TNNT2: variants seen among roughly 807,000 people sequenced by gnomAD.
TNNT2 encodes the protein troponin T2, cardiac type.
Under a neutral mutation model 62.4 loss-of-function variants are expected in TNNT2, and 34 were observed. The ratio of observed to expected loss-of-function variants is 0.54; its 90% CI spans 0.41 to 0.72. The LOEUF is 0.72. Ranked by LOEUF, TNNT2 falls within the 30% of genes least tolerant of loss-of-function variation. TNNT2 has a pLI of 0.00. For missense variants in TNNT2, 275 were observed against 381.9 expected, an observed-to-expected ratio of 0.72 and a Z score of 2.33; for synonymous variants, 123 against 127.2, an observed-to-expected ratio of 0.97 and a Z score of 0.22.
rs1365980305 is a variant in TNNT2 at position 201,366,831 on chromosome 1, C to G, written c.233+7G>C. On this transcript the variant is annotated splice_region_variant and intron_variant, in intron 8 of 16. Coordinates refer to ENST00000656932, the MANE Select transcript of TNNT2 (RefSeq NM_001276345.2). ...TCCCGGCTCTACCCAGGTGCCTCCC[C>G]ACTCACCTGGGCTTTGGTTTGGACT... The G allele has an allele frequency of 1.2e-6, 2 of 1,614,156 alleles. No individual in the cohort carries two copies. Among genetic ancestry groups the G allele is most frequent in the East Asian group, 2.2e-5 (1 of 44,870 alleles).
At chr1:201,369,259 G>C in intron 5 of TNNT2, 1 of 471,820 alleles carries the variant, frequency 2.1e-6, no homozygotes, top group Admixed American at 2.3e-5. Context: ...CTAAAATTAA[G>C]CCCTGGTCTC....
intron 15 of TNNT2, chr1:201,360,869 G>T: frequency 3.0e-6 from 1 of 335,638 alleles, no homozygotes; most frequent in Non-Finnish European, 5.8e-6. Flanking sequence ...TTGAGGCTCA[G>T]CCTAATTGTG....
At position 201,363,425 on chromosome 1, in the gene TNNT2, G is replaced by A; in HGVS notation, c.490-19C>T. ...TCTCTTCCTGATTTACAGCAGGGAG[G>A]AAGAAAGCAAATTAGGGGAAAGGAT... On this transcript the variant is annotated intron_variant, in intron 11 of 16. Transcript: ENST00000656932. The A allele has an allele frequency of 1.2e-6, 2 of 1,610,810 alleles. No homozygotes were observed. The highest frequency in any genetic ancestry group is 1.7e-6 in the Non-Finnish European group (2 of 1,176,984).
At chr1:201,366,979 CA>C in intron 7 of TNNT2, 108 bp from the exon 8 acceptor site, 1 of 1,581,174 alleles carries the variant, frequency 6.3e-7, no homozygotes, top group South Asian at 1.1e-5. Context: ...CCCATCTGCA[CA>C]GTGAGTCCCT....
intron 15 of TNNT2, 50 bp from the exon 16 acceptor site, chr1:201,359,713 C>A: frequency 1.9e-6 from 3 of 1,544,690 alleles, no homozygotes; most frequent in East Asian, 2.4e-5. Context: ...CTGACTGGCT[C>A]AGGTCCCAGG....
chr1:201,360,877 G>C (rs1658493944), intron 15 of TNNT2: 1 of 339,748 alleles, frequency 2.9e-6, no homozygotes. Flanking sequence ...CAGCCTAATT[G>C]TGCCCACACC....
At chr1:201,367,097 C>T (rs1456398420) in intron 7 of TNNT2, 2 of 675,166 alleles carry the variant, frequency 3.0e-6, no homozygotes, top group Non-Finnish European at 5.2e-6. Context: ...GGCACACACT[C>T]ACGCAGTGTG....
chr1:201,371,112 C>G (rs561605386), intron 4 of TNNT2, among the ~76,000 whole-genome samples: 1 of 152,312 alleles, frequency 6.6e-6, no homozygotes, highest in South Asian at 2.1e-4. Context: ...GCGGGGCCAC[C>G]TGGGCTCCCC....
At chr1:201,367,993 C>T (rs1274050248) in intron 6 of TNNT2, among the ~76,000 whole-genome samples, 169 bp downstream of exon 6, 1 of 152,142 alleles carries the variant, frequency 6.6e-6, no homozygotes, top group Admixed American at 6.5e-5. Context: ...ACAAGAGAAG[C>T]GCTGGGTCAA....
intron 4 of TNNT2, among the ~76,000 whole-genome samples, chr1:201,370,080 TCTC>T (rs1407478853): frequency 6.6e-6 from 1 of 152,180 alleles, no homozygotes; most frequent in East Asian, 1.9e-4. Flanking sequence ...TCTACTCACT[TCTC>T]AGCCGTGGTG....
At position 201,372,131 on chromosome 1, in the gene TNNT2, A is replaced by T; in HGVS notation, c.52+14T>A. 2 of 1,614,130 alleles carry T rather than the reference A, an allele frequency of 1.2e-6. No homozygotes were observed. Among genetic ancestry groups the T allele is most frequent in the Non-Finnish European group, 1.7e-6 (2 of 1,180,032 alleles). On this transcript the variant is annotated intron_variant, in intron 3 of 16. Transcript: ENST00000656932. The stretch of plus-strand genomic sequence containing the variant: ...CTGTCTTTGATCCAAATGAGTACAC[A>T]CGTTTACGCTTACCTTCCTGCTCCC...
intron 7 of TNNT2, 159 bp downstream of exon 7, chr1:201,367,612 T>C: frequency 1.2e-6 from 1 of 838,572 alleles, no homozygotes; most frequent in South Asian, 1.4e-5. Flanking sequence ...AAGCTCAACA[T>C]CTAAAACTTT....
chr1:201,367,627 G>C (rs1188432176), intron 7 of TNNT2, 144 bp downstream of exon 7: 3 of 932,216 alleles, frequency 3.2e-6, no homozygotes, highest in Non-Finnish European at 5.3e-6. Flanking sequence ...AACTTTGGAA[G>C]TGCCACCAAG....
chr1:201,361,773 C>G, intron 14 of TNNT2, 140 bp downstream of exon 14: 3 of 833,184 alleles, frequency 3.6e-6, no homozygotes, highest in Non-Finnish European at 4.1e-6. Flanking sequence ...GGGCCCAGCT[C>G]TGGTCCCACC....
intron 2 of TNNT2, 125 bp downstream of exon 2, chr1:201,373,089 G>T (rs754234437): frequency 4.2e-6 from 4 of 943,222 alleles, no homozygotes; most frequent in Non-Finnish European, 7.0e-6. Context: ...CTCTCCTCGG[G>T]GTGCCCAAAA....
At chr1:201,368,334 G>T in intron 5 of TNNT2, 107 bp from the exon 6 acceptor site, 2 of 1,168,062 alleles carry the variant, frequency 1.7e-6, no homozygotes, top group Non-Finnish European at 1.3e-6. Flanking sequence ...GGGTCAAGAC[G>T]TCTAGGTCCA....
rs1467956809 is a variant in TNNT2, at chr1:201,372,163, C to T, written c.42-8G>A. On this transcript the variant is annotated splice_polypyrimidine_tract_variant and splice_region_variant and intron_variant, in intron 2 of 16. Coordinates refer to ENST00000656932, the MANE Select transcript of TNNT2 (RefSeq NM_001276345.2). ...CGCTTACCTTCCTGCTCCCTGAGAG[C>T]AACAGGAAACACTGTCAGTAGCTCG... The T allele has an allele frequency of 1.2e-6, 2 of 1,614,044 alleles. No individual in the cohort carries two copies. Among genetic ancestry groups the T allele is most frequent in the Non-Finnish European group, 1.7e-6 (2 of 1,180,034 alleles).
intron 5 of TNNT2, chr1:201,369,324 C>T (rs930223878): frequency 5.7e-5 from 27 of 472,578 alleles, no homozygotes; most frequent in Admixed American, 3.5e-4. Context: ...TGAAGGCTGA[C>T]GTCATGTCCT....
intron 1 of TNNT2, chr1:201,375,365 T>C (rs1487131235): frequency 6.6e-6 from 1 of 152,196 alleles, no homozygotes; most frequent in African/African-American, 2.4e-5. Context: ...CTTCCGCTGC[T>C]CCCTCTGCTG....
Sources: gnomAD v4.1 joint callset for allele counts (sites outside exome capture counted in the v4.1 genomes callset) on GRCh38, gnomAD v4.1.1 for gene constraint, MANE v1.5 for transcripts, NCBI Gene and HGNC (gene_info 2026-07-23, HGNC 2026-07-21) for gene names.